Variants in CC2D1A observed in about 807,000 individuals in gnomAD.
CC2D1A encodes coiled-coil and C2 domain-containing protein 1A.
Under a neutral mutation model 123.8 loss-of-function variants are expected in CC2D1A, and 68 were observed. That is an observed-to-expected ratio of 0.55 (90% confidence interval 0.45 to 0.67). The LOEUF (loss-of-function observed/expected upper bound fraction) is 0.67, where lower values mean the gene tolerates loss of function less well. CC2D1A is among the 30% of genes least tolerant of loss of function. The pLI is 0.00. For synonymous variants in CC2D1A, 477 were observed against 528.0 expected (o/e 0.90, Z 1.32); for missense variants, 1,185 against 1,290.3 (o/e 0.92, Z 1.25).
chr19:13,916,852 G>A (rs954994985), intron 6 of CC2D1A, among the ~76,000 whole-genome samples: 7 of 152,114 alleles, frequency 4.6e-5, no homozygotes, highest in Non-Finnish European at 1.0e-4. Flanking sequence ...ACACTGGGTG[G>A]TGTCTTTATT....
intron 2 of CC2D1A, among the ~76,000 whole-genome samples, chr19:13,911,966 C>T (rs959453485): frequency 6.6e-6 from 1 of 152,132 alleles, no homozygotes; most frequent in African/African-American, 2.4e-5. Context: ...CCACCCGCCT[C>T]GGCCTCCCAA....
intron 13 of CC2D1A, 25 bp from the exon 14 acceptor site, chr19:13,920,725 C>T (rs764358040): frequency 8.1e-6 from 13 of 1,612,520 alleles, no homozygotes; most frequent in Admixed American, 1.7e-5. Context: ...CTGGGCAGCA[C>T]CCATAGCAGC....
chr19:13,918,820 A>G lies in CC2D1A; in HGVS notation c.1018+3A>G. 6.2e-7 allele frequency: 1 copy of G among 1,613,436 alleles called. No homozygotes were observed. Among genetic ancestry groups the G allele is most frequent in the Non-Finnish European group, 8.5e-7 (1 of 1,179,734 alleles). The stretch of plus-strand genomic sequence containing the variant: ...CGCTACGGCGCCCTCCACAACAGGT[A>G]GGTTCTGGGACCCTCTGGGGTTGGG... On this transcript the variant is annotated splice_donor_region_variant and intron_variant, in intron 9 of 28. Transcript: ENST00000318003.
chr19:13,930,054 C>A lies in CC2D1A; in HGVS notation c.2711-24C>A. Reference sequence around the variant, plus strand: ...GCAGTGAGGCCCCACCCTAAGCCTCCATTCCCCCGCCATCCATTCTCAGAA... The same window carrying A: ...GCAGTGAGGCCCCACCCTAAGCCTCAATTCCCCCGCCATCCATTCTCAGAA... On this transcript the variant is annotated intron_variant, in intron 26 of 28. Coordinates refer to ENST00000318003, the MANE Select transcript of CC2D1A (RefSeq NM_017721.5). The surrounding 1 kb of genome is among the most constrained non-coding windows in gnomAD (Gnocchi z 6.8). 6.2e-7 allele frequency: 1 copy of A among 1,609,600 alleles called. No homozygotes were observed.
Position 13,918,814 on chromosome 19 carries a change from A to C in CC2D1A, c.1015A>C (p.Thr339Pro), listed in dbSNP as rs11883041. Reference protein sequence around the residue: ...PPTPATAPSTTEVPPPPRTLL... With the variant: ...PPTPATAPSTPEVPPPPRTLL... Reference sequence around the variant, plus strand: ...GACCCCCGCTACGGCGCCCTCCACAACAGGTAGGTTCTGGGACCCTCTGGG... The same window carrying C: ...GACCCCCGCTACGGCGCCCTCCACACCAGGTAGGTTCTGGGACCCTCTGGG... Residue 339 changes from threonine (T) to proline (P), a missense_variant, in exon 9 of 29, where the codon ACA (threonine) becomes CCA (proline). Transcript: ENST00000318003. 20,158 of 1,613,378 alleles carry C rather than the reference A, an allele frequency of 0.012. 1,660 individuals carry two copies. In the African/African-American group the frequency reaches 0.2, roughly 16 times the overall value.
chr19:13,925,933 A>AAAAAAAATAT (rs1315518981), intron 17 of CC2D1A, among the ~76,000 whole-genome samples: 1 of 91,052 alleles, frequency 1.1e-5, no homozygotes, highest in African/African-American at 6.8e-5. Flanking sequence ...AAAAAAAAAA[A>AAAAAAAATAT]ATATATATAT....
At chr19:13,928,644 G>A (rs1474187078) in intron 24 of CC2D1A, among the ~76,000 whole-genome samples, 3 of 151,338 alleles carry the variant, frequency 2.0e-5, no homozygotes, top group Non-Finnish European at 4.4e-5. Context: ...TAGGTTTTGG[G>A]ATCAGTAACA....
chr19:13,925,710 G>A lies in CC2D1A; in HGVS notation c.1941-807G>A, dbSNP rs535049906. 6.6e-5 allele frequency among the ~76,000 whole-genome samples: 10 copies of A among 150,818 alleles called. 1 individual carries two copies. The South Asian group carries it at 1.1e-3, about 16-fold the overall frequency. ...CAAGGCAGGCGGATCATTTGAGGTC[G>A]GGAGTTCGAGACCAGCCTGGCCAAC... On this transcript the variant is annotated intron_variant, in intron 17 of 28. Coordinates refer to ENST00000318003, the MANE Select transcript of CC2D1A (RefSeq NM_017721.5).
In CC2D1A at chr19:13,913,157, C is replaced by T; in HGVS notation, c.379-11C>T. The stretch of plus-strand genomic sequence containing the variant: ...GGTCACCACCCACACTGTGCCCCTG[C>T]CCTCCCACAGCCGAAGCCTGAGGCC... On this transcript the variant is annotated splice_polypyrimidine_tract_variant and intron_variant, in intron 4 of 28. Transcript: ENST00000318003. 1.3e-6 allele frequency: 2 copies of T among 1,597,144 alleles called. No homozygotes were observed. Among genetic ancestry groups the T allele is most frequent in the East Asian group, 2.2e-5 (1 of 44,458 alleles).
In CC2D1A at chr19:13,920,837, G is replaced by A; in HGVS notation, c.1556G>A (p.Gly519Asp). ...GCCAAGCAGAAAAACGACGTGGAGG[G>A]TGCCAAGATGCACCTGCGCCAAGCC... ...LRAKQKNDVE[G>D]AKMHLRQAKG... The change falls in exon 14 of 29, where the codon GGT becomes GAT. Residue 519 changes from glycine (G) to aspartate (D), a missense_variant. Physicochemically the swap from Gly to Asp is moderately conservative, Grantham distance 94. Coordinates refer to ENST00000318003, the MANE Select transcript of CC2D1A (RefSeq NM_017721.5). 1.9e-6 allele frequency: 3 copies of A among 1,614,166 alleles called. No homozygotes were observed. In the South Asian group the frequency reaches 3.3e-5, roughly 18 times the overall value.
intron 6 of CC2D1A, among the ~76,000 whole-genome samples, chr19:13,915,528 G>A (rs544278707): frequency 3.3e-5 from 5 of 152,240 alleles, no homozygotes; most frequent in South Asian, 2.1e-4. Context: ...GATTACAGGC[G>A]TGAGCCACCA....
At position 13,930,375 on chromosome 19, in the gene CC2D1A, C is replaced by T. The variant is rs991275018; in HGVS notation, c.2836C>T (p.Leu946=). ...LYRRNLVESE[L]QRLRR ...ACCCCAGTGGCCTCCTCTCCCCCAG[C>T]TGCAGCGGCTCCGCAGGTGAGGAGC... is the stretch of plus-strand genomic sequence containing the variant. The change falls in exon 29 of 29, where the codon CTG becomes TTG. Residue 946 remains leucine, a splice_region_variant and synonymous_variant. Transcript: ENST00000318003. This position sits in a 1 kb window ranked among gnomAD's most constrained non-coding sequence, Gnocchi z 6.8. The T allele has an allele frequency of 6.2e-7, 1 of 1,613,040 alleles. No individual in the cohort carries two copies. Among genetic ancestry groups the T allele is most frequent in the Non-Finnish European group, 8.5e-7 (1 of 1,179,462 alleles).
At chr19:13,918,342 C>A in intron 7 of CC2D1A, 148 bp downstream of exon 7, 1 of 1,161,454 alleles carries the variant, frequency 8.6e-7, no homozygotes. Flanking sequence ...TTTACCCCCT[C>A]TGTGAAATGG....
chr19:13,921,901 C>T (rs1029395758), intron 14 of CC2D1A, among the ~76,000 whole-genome samples: 6 of 152,140 alleles, frequency 3.9e-5, no homozygotes, highest in Admixed American at 3.3e-4. Flanking sequence ...ATTGAGAGAC[C>T]ACAAGAAACA....
chr19:13,930,114 A>G lies in CC2D1A; in HGVS notation c.2747A>G (p.Tyr916Cys), dbSNP rs757868058. 6.2e-7 allele frequency: 1 copy of G among 1,611,834 alleles called. No homozygotes were observed. The highest frequency in any genetic ancestry group is 8.5e-7 in the Non-Finnish European group (1 of 1,179,330). Residue 916 changes from tyrosine to cysteine, a missense_variant, in exon 27 of 29, where the codon TAC becomes TGC. By Grantham distance (194) the Tyr-to-Cys change is radical. Transcript: ENST00000318003. The surrounding 1 kb of genome is among the most constrained non-coding windows in gnomAD (Gnocchi z 6.8). The stretch of plus-strand genomic sequence containing the variant: ...CAGCTGGAGCGGCAGCTGCAGTTCT[A>G]CACGGAGGCTGCCCGGCGCCTGGGC... ...AAQLERQLQF[Y>C]TEAARRLGND...
At chr19:13,908,164 C>G (rs1425425798) in intron 1 of CC2D1A, among the ~76,000 whole-genome samples, 1 of 151,928 alleles carries the variant, frequency 6.6e-6, no homozygotes, top group Admixed American at 6.6e-5. Flanking sequence ...CGCCACCATG[C>G]CTGGTTAATT....
chr19:13,926,336 A>G (rs550267833), intron 17 of CC2D1A, among the ~76,000 whole-genome samples, 181 bp from the exon 18 acceptor site: 11 of 152,282 alleles, frequency 7.2e-5, no homozygotes, highest in African/African-American at 2.6e-4. Flanking sequence ...TCCATTGCCA[A>G]CCTGAACAGA....
At chr19:13,912,618 C>T in intron 4 of CC2D1A, 25 bp downstream of exon 4, 1 of 1,612,064 alleles carries the variant, frequency 6.2e-7, no homozygotes, top group East Asian at 2.2e-5. Context: ...ACTCCACTCC[C>T]TTGAACCACA....
At chr19:13,918,434 C>T in intron 7 of CC2D1A, 70 bp from the exon 8 acceptor site, 6 of 1,462,058 alleles carry the variant, frequency 4.1e-6, no homozygotes, top group Non-Finnish European at 5.6e-6. Flanking sequence ...ATGGAAGGGC[C>T]CGGAGGCTCC....
Sources: allele counts gnomAD v4.1 joint callset (sites outside exome capture counted in the v4.1 genomes callset), GRCh38; gene constraint gnomAD v4.1.1; non-coding constraint Gnocchi (gnomAD v3.1); transcripts MANE v1.5; gene names NCBI Gene and HGNC (gene_info 2026-07-23, HGNC 2026-07-21).